The following THSD4 variants were observed in gnomAD, a reference collection of about 807,000 sequenced individuals.
THSD4 encodes the protein thrombospondin type-1 domain-containing protein 4.
Under a neutral mutation model 119.0 loss-of-function variants are expected in THSD4, and 69 were observed. The observed-to-expected ratio is 0.58, with a 90% CI of 0.48 to 0.71. THSD4 has a LOEUF of 0.71. Ranked by LOEUF, THSD4 falls within the 30% of genes least tolerant of loss-of-function variation. The pLI is 0.00. For synonymous variants in THSD4, 524 were observed against 540.4 expected (o/e 0.97, Z 0.42); for missense variants, 1,393 against 1,391.1 (o/e 1.00, Z -0.02).
At chr15:71,297,315 C>CTTT (rs772196153) in intron 6 of THSD4, among the ~76,000 whole-genome samples, 6 of 137,698 alleles carry the variant, frequency 4.4e-5, no homozygotes, top group African/African-American at 8.1e-5. Flanking sequence ...CTCTCCTCTT[C>CTTT]TTTTTTTTGT....
chr15:71,395,432 T>C (rs1290264305), intron 6 of THSD4, among the ~76,000 whole-genome samples: 1 of 152,012 alleles, frequency 6.6e-6, no homozygotes, highest in Non-Finnish European at 1.5e-5. Context: ...TTCTCACTCA[T>C]TGGTTTCTGC....
intron 6 of THSD4, among the ~76,000 whole-genome samples, chr15:71,324,754 G>T (rs920008699): frequency 6.6e-6 from 1 of 152,148 alleles, no homozygotes; most frequent in Non-Finnish European, 1.5e-5. Flanking sequence ...ATCGTGAATT[G>T]TGCTGCAATA....
exon 1 of THSD4, chr15:71,096,999 G>A (rs1314371832): frequency 6.6e-6 from 1 of 152,204 alleles, no homozygotes; most frequent in African/African-American, 2.4e-5. Context: ...AGAGGAAACT[G>A]GATTCAGGCA....
At chr15:71,446,299 C>G (rs1414137798) in intron 7 of THSD4, among the ~76,000 whole-genome samples, 1 of 152,072 alleles carries the variant, frequency 6.6e-6, no homozygotes, top group Non-Finnish European at 1.5e-5. Flanking sequence ...CTTTAATGGT[C>G]TTCCTTTATT....
intron 7 of THSD4, among the ~76,000 whole-genome samples, chr15:71,504,283 T>C (rs1298823594): frequency 1.3e-5 from 2 of 152,146 alleles, no homozygotes; most frequent in South Asian, 2.1e-4. Context: ...TCTGAATATA[T>C]GTTGAAGAAA....
At chr15:71,139,543 AT>A (rs1205339886) in intron 1 of THSD4, among the ~76,000 whole-genome samples, 8 of 152,176 alleles carry the variant, frequency 5.3e-5, no homozygotes, top group African/African-American at 1.9e-4. Flanking sequence ...AGAGCCAAGA[AT>A]TTAAGGGTCT....
intron 7 of THSD4, among the ~76,000 whole-genome samples, chr15:71,566,426 G>A (rs762133020): frequency 1.3e-5 from 2 of 152,128 alleles, no homozygotes; most frequent in Admixed American, 1.3e-4. Flanking sequence ...TCAGGTGTTA[G>A]ATACTCTCCT....
intron 4 of THSD4, among the ~76,000 whole-genome samples, chr15:71,223,446 C>T (rs1021103214): frequency 6.6e-6 from 1 of 152,172 alleles, no homozygotes. Flanking sequence ...ACTGTGAACT[C>T]CAGAAGCCCA....
At chr15:71,098,357 CAGCT>C (rs1415516712) in intron 1 of THSD4, among the ~76,000 whole-genome samples, 1 of 150,446 alleles carries the variant, frequency 6.6e-6, no homozygotes, top group African/African-American at 2.5e-5. Flanking sequence ...CACCACCACC[CAGCT>C]AGGTTTTTTG....
chr15:71,225,629 C>G (rs1463490099), intron 4 of THSD4, among the ~76,000 whole-genome samples: 2 of 149,320 alleles, frequency 1.3e-5, no homozygotes, highest in South Asian at 2.1e-4. Context: ...TTCACTGCAA[C>G]CTCCGCCTCC....
At chr15:71,212,919 G>A (rs2043899557) in intron 3 of THSD4, among the ~76,000 whole-genome samples, 1 of 152,192 alleles carries the variant, frequency 6.6e-6, no homozygotes, top group Admixed American at 6.5e-5. Flanking sequence ...ATTTACACAT[G>A]TGCCATCTGG....
chr15:71,188,352 C>G (rs568242728), intron 3 of THSD4, among the ~76,000 whole-genome samples: 2 of 152,132 alleles, frequency 1.3e-5, no homozygotes, highest in South Asian at 4.2e-4. Context: ...CTCAAAGGGT[C>G]ACCTAGATGG....
chr15:71,212,476 A>G (rs1264162221), intron 3 of THSD4, among the ~76,000 whole-genome samples: 1 of 152,230 alleles, frequency 6.6e-6, no homozygotes, highest in East Asian at 1.9e-4. Context: ...TCCAAGTATT[A>G]TAGGCAGTGT....
At chr15:71,609,647 T>C (rs978354723) in intron 7 of THSD4, among the ~76,000 whole-genome samples, 4 of 151,792 alleles carry the variant, frequency 2.6e-5, no homozygotes, top group Non-Finnish European at 4.4e-5. Flanking sequence ...GGTCAGGAAA[T>C]TGAGACCATC....
At chr15:71,371,556 A>G (rs946464697) in intron 6 of THSD4, among the ~76,000 whole-genome samples, 2 of 152,210 alleles carry the variant, frequency 1.3e-5, no homozygotes, top group Non-Finnish European at 2.9e-5. Context: ...TTGGCTGGAT[A>G]TGAAATTCTA....
At chr15:71,310,541 A>G (rs778020568) in intron 6 of THSD4, among the ~76,000 whole-genome samples, 1 of 152,232 alleles carries the variant, frequency 6.6e-6, no homozygotes, top group Non-Finnish European at 1.5e-5. Context: ...ATCTAATGCT[A>G]ATAGACTGAG....
intron 3 of THSD4, among the ~76,000 whole-genome samples, chr15:71,171,578 C>G (rs2141404334): frequency 6.6e-6 from 1 of 152,288 alleles, no homozygotes; most frequent in African/African-American, 2.4e-5. Context: ...AAAGGAATGA[C>G]TGCACCAGAA....
At chr15:71,388,843 C>G (rs966254162) in intron 6 of THSD4, among the ~76,000 whole-genome samples, 1 of 152,156 alleles carries the variant, frequency 6.6e-6, no homozygotes, top group Non-Finnish European at 1.5e-5. Context: ...ACCCAAATCT[C>G]ATCTTGAATT....
intron 7 of THSD4, among the ~76,000 whole-genome samples, chr15:71,477,650 G>A (rs1299206364): frequency 6.6e-6 from 1 of 152,076 alleles, no homozygotes; most frequent in East Asian, 1.9e-4. Context: ...CCTTAGCTGG[G>A]TCAGCTCTTC....
Sources: allele counts gnomAD v4.1 joint callset (sites outside exome capture counted in the v4.1 genomes callset), GRCh38; gene constraint gnomAD v4.1.1; transcripts MANE v1.5; gene names NCBI Gene and HGNC (gene_info 2026-07-23, HGNC 2026-07-21).